PSD3: variants seen among roughly 807,000 people sequenced by gnomAD.
The protein encoded by PSD3 is PH and SEC7 domain-containing protein 3.
PSD3 carries 49 observed loss-of-function variants against 105.5 expected under a neutral mutation model. The observed-to-expected ratio is 0.46, with a 90% CI of 0.37 to 0.59. The LOEUF is 0.59. Among genes scored for constraint, PSD3 ranks in the 20% least tolerant of loss-of-function variants. The probability of loss-of-function intolerance (pLI) is 0.00; values close to 1 mark genes in which losing one functional copy is unlikely to be tolerated. For missense variants in PSD3, 1,561 were observed against 1,263.8 expected (o/e 1.24, Z -3.57); for synonymous variants, 557 against 457.8 (o/e 1.22, Z -2.77).
intron 1 of PSD3, among the ~76,000 whole-genome samples, chr8:18,958,911 T>C (rs541707653): frequency 1.5e-5 from 2 of 134,648 alleles, no homozygotes; most frequent in East Asian, 4.5e-4. Context: ...ACAGAGGAGT[T>C]AAGTGGTGTT....
At chr8:18,600,153 G>C (rs1019025334) in intron 12 of PSD3, among the ~76,000 whole-genome samples, 1 of 152,164 alleles carries the variant, frequency 6.6e-6, no homozygotes, top group African/African-American at 2.4e-5. Flanking sequence ...GCAGGATTGA[G>C]AAAGATTTCA....
At chr8:18,800,724 T>C (rs1201188227) in intron 7 of PSD3, among the ~76,000 whole-genome samples, 1 of 152,282 alleles carries the variant, frequency 6.6e-6, no homozygotes, top group Middle Eastern at 3.4e-3. Flanking sequence ...CAACAAAAGT[T>C]TGTGGTCAGT....
chr8:18,839,153 G>C (rs368279320), intron 4 of PSD3, among the ~76,000 whole-genome samples: 2 of 151,916 alleles, frequency 1.3e-5, no homozygotes, highest in Non-Finnish European at 2.9e-5. Context: ...CAGAAGAGCC[G>C]CAATTGCTTC....
chr8:18,738,847 A>G (rs183347046), intron 9 of PSD3, among the ~76,000 whole-genome samples: 1 of 152,210 alleles, frequency 6.6e-6, no homozygotes, highest in South Asian at 2.1e-4. Context: ...AAAACAAAAA[A>G]AACACCAAGA....
chr8:19,040,317 T>G (rs929540369), intron 1 of PSD3, among the ~76,000 whole-genome samples: 1 of 152,106 alleles, frequency 6.6e-6, no homozygotes, highest in Non-Finnish European at 1.5e-5. Context: ...ATCTCCCACC[T>G]CAGCCTTCCA....
In PSD3 at chr8:18,828,047, G is replaced by GTATATATA. The variant is rs368464281; in HGVS notation, c.1635-23157_1635-23150dup. On this transcript the variant is annotated intron_variant, in intron 4 of 15. Transcript: ENST00000327040. ...ATATACATATATATAATATATATAT[G>GTATATATA]TATATATATATATATATATATTTTT... Among the ~76,000 whole-genome samples the GTATATATA allele has an allele frequency of 2.1e-3, 271 of 126,348 alleles. 2 individuals are homozygous for GTATATATA. The highest frequency in any genetic ancestry group is 8.1e-3 in the African/African-American group (261 of 32,262). 82.9% of individuals were successfully genotyped at this position (126,348 alleles called of 152,430 possible). A position where few individuals can be genotyped will look rare whatever the true frequency, so the allele number is the denominator to read the frequency against.
chr8:18,861,097 A>T (rs1816401817), intron 4 of PSD3, among the ~76,000 whole-genome samples: 1 of 152,170 alleles, frequency 6.6e-6, no homozygotes, highest in Non-Finnish European at 1.5e-5. Flanking sequence ...CTAATTTATA[A>T]AAGAGGCACC....
chr8:18,798,831 A>T (rs1175943151), intron 8 of PSD3, among the ~76,000 whole-genome samples: 1 of 152,028 alleles, frequency 6.6e-6, no homozygotes, highest in Non-Finnish European at 1.5e-5. Context: ...TGAGACGGTA[A>T]TTAGTTTGTT....
chr8:19,081,748 G>A (rs779375409), intron 1 of PSD3, among the ~76,000 whole-genome samples: 4 of 152,214 alleles, frequency 2.6e-5, no homozygotes, highest in African/African-American at 4.8e-5. Context: ...AGCCTGTGAT[G>A]TTTCATCACT....
chr8:18,797,935 C>T (rs1304708316), intron 8 of PSD3, among the ~76,000 whole-genome samples: 1 of 152,008 alleles, frequency 6.6e-6, no homozygotes, highest in East Asian at 1.9e-4. Flanking sequence ...CAAACGCACT[C>T]AAAATTTTCT....
rs534748761 is a variant in PSD3 at position 19,068,025 on chromosome 8, C to A, written c.324+16181G>T. 3.3e-5 allele frequency among the ~76,000 whole-genome samples: 5 copies of A among 152,254 alleles called. No homozygotes were observed. In the South Asian group the frequency reaches 1.0e-3, roughly 32 times the overall value. On this transcript the variant is annotated intron_variant, in intron 1 of 1. Transcript: ENST00000521475. The stretch of plus-strand genomic sequence containing the variant: ...GTGGAAGAGAGTGATTTTCCACAAG[C>A]CTGAAAGTTCAACCCAGCTCATCAG...
chr8:18,682,962 G>A (rs892470293), intron 9 of PSD3, among the ~76,000 whole-genome samples: 1 of 152,230 alleles, frequency 6.6e-6, no homozygotes, highest in East Asian at 1.9e-4. Context: ...TCCATCTCCA[G>A]ACCTGGAGTT....
chr8:18,599,827 G>C (rs1804303331), intron 12 of PSD3, among the ~76,000 whole-genome samples: 1 of 152,112 alleles, frequency 6.6e-6, no homozygotes, highest in African/African-American at 2.4e-5. Context: ...GAGCCAATCT[G>C]TTGTGTGCAT....
At chr8:18,542,366 C>G (rs1355280888) in intron 15 of PSD3, among the ~76,000 whole-genome samples, 1 of 152,194 alleles carries the variant, frequency 6.6e-6, no homozygotes, top group Non-Finnish European at 1.5e-5. Flanking sequence ...TAATTCCATA[C>G]TAACCTAAGA....
exon 1 of PSD3, chr8:19,084,388 C>T (rs889119440): frequency 1.5e-5 from 7 of 456,148 alleles, no homozygotes; most frequent in African/African-American, 1.4e-4. Flanking sequence ...GCTCCATCTG[C>T]AGCGTGGACC....
intron 9 of PSD3, among the ~76,000 whole-genome samples, chr8:18,656,710 G>A (rs1053672872): frequency 3.3e-5 from 5 of 152,022 alleles, no homozygotes; most frequent in African/African-American, 4.8e-5. Flanking sequence ...ACCAACTACC[G>A]AGAAACATTT....
intron 15 of PSD3, among the ~76,000 whole-genome samples, chr8:18,545,836 GCT>G: frequency 6.6e-6 from 1 of 152,112 alleles, no homozygotes; most frequent in East Asian, 1.9e-4. Context: ...CTCCAAAAGG[GCT>G]AATGCCAGTC....
intron 1 of PSD3, among the ~76,000 whole-genome samples, chr8:19,072,617 A>C (rs935572314): frequency 6.6e-6 from 1 of 152,202 alleles, no homozygotes; most frequent in African/African-American, 2.4e-5. Context: ...AACCCAGGCC[A>C]CGGGCTCCCA....
intron 4 of PSD3, among the ~76,000 whole-genome samples, chr8:18,866,232 C>T (rs1326843792): frequency 6.6e-6 from 1 of 152,168 alleles, no homozygotes; most frequent in Non-Finnish European, 1.5e-5. Flanking sequence ...AAGGTGGCAC[C>T]CTCCACTGAG....
Sources: gnomAD v4.1 joint callset for allele counts (sites outside exome capture counted in the v4.1 genomes callset) on GRCh38, gnomAD v4.1.1 for gene constraint, MANE v1.5 for transcripts, NCBI Gene and HGNC (gene_info 2026-07-23, HGNC 2026-07-21) for gene names.